Variants in PDE4D observed in about 807,000 individuals in gnomAD.
PDE4D encodes the protein 3',5'-cyclic-AMP phosphodiesterase 4D.
A neutral mutation model predicts 87.4 loss-of-function variants in PDE4D; 24 were observed. The ratio of observed to expected loss-of-function variants is 0.27; its 90% CI spans 0.20 to 0.39. The LOEUF (loss-of-function observed/expected upper bound fraction) is 0.39. Ranked by LOEUF, PDE4D falls within the 10% of genes least tolerant of loss-of-function variation. PDE4D has a pLI of 1.00. For synonymous variants in PDE4D, 384 were observed against 383.2 expected (o/e 1.00, Z -0.02); for missense variants, 714 against 1,041.0 (o/e 0.69, Z 4.32).
chr5:59,082,558 T>C (rs190377406), intron 5 of PDE4D, among the ~76,000 whole-genome samples: 2 of 152,080 alleles, frequency 1.3e-5, no homozygotes, highest in East Asian at 1.9e-4. Context: ...AGTTAGAAAA[T>C]AGATAAATGA....
chr5:60,267,745 G>A (rs960457162), intron 1 of PDE4D, among the ~76,000 whole-genome samples: 23 of 152,134 alleles, frequency 1.5e-4, no homozygotes, highest in African/African-American at 5.1e-4. Flanking sequence ...TTAGACTGTA[G>A]AGGGCTTAAC....
chr5:59,424,845 C>T (rs1794974413), intron 1 of PDE4D, among the ~76,000 whole-genome samples: 2 of 152,150 alleles, frequency 1.3e-5, no homozygotes, highest in African/African-American at 4.8e-5. Context: ...ATCGATGGGT[C>T]CATGCATTTA....
intron 3 of PDE4D, among the ~76,000 whole-genome samples, chr5:59,191,822 C>G (rs1744386643): frequency 6.6e-6 from 1 of 152,130 alleles, no homozygotes; most frequent in South Asian, 2.1e-4. Flanking sequence ...CCACCCACCT[C>G]AGCTTCCCAA....
intron 1 of PDE4D, among the ~76,000 whole-genome samples, chr5:59,706,462 C>T (rs1753422593): frequency 6.6e-6 from 1 of 152,106 alleles, no homozygotes; most frequent in African/African-American, 2.4e-5. Context: ...GGATATCAGA[C>T]ATGATGTGAT....
At chr5:59,060,942 T>C in intron 5 of PDE4D, among the ~76,000 whole-genome samples, 1 of 152,106 alleles carries the variant, frequency 6.6e-6, no homozygotes, top group East Asian at 1.9e-4. Flanking sequence ...CTCCCTACCA[T>C]GAAGAATAAC....
At chr5:59,664,400 T>C (rs1745732225) in intron 1 of PDE4D, among the ~76,000 whole-genome samples, 1 of 152,238 alleles carries the variant, frequency 6.6e-6, no homozygotes, top group Non-Finnish European at 1.5e-5. Flanking sequence ...TTTTGACAAG[T>C]ATATTTTGAT....
intron 1 of PDE4D, among the ~76,000 whole-genome samples, chr5:60,192,889 G>A (rs772775356): frequency 1.4e-4 from 21 of 152,304 alleles, no homozygotes; most frequent in Admixed American, 8.5e-4. Context: ...TCTTACTTCA[G>A]AGGACATACA....
In PDE4D at chr5:59,301,414, G is replaced by A. The variant is rs192373228; in HGVS notation, c.456-85446C>T. On this transcript the variant is annotated intron_variant, in intron 1 of 14. Coordinates refer to ENST00000340635, the MANE Select transcript of PDE4D (RefSeq NM_001104631.2). ...TCAACACTATTTAAAAGCCAGATAT[G>A]TCCAAATGGCTCTTGAATCTACACT... Among the ~76,000 whole-genome samples the A allele has an allele frequency of 2.3e-3, 344 of 151,198 alleles. 1 individual carries two copies. The highest frequency in any genetic ancestry group is 7.9e-3 in the African/African-American group (323 of 41,134).
chr5:59,840,336 C>CTGTGTGTGTG (rs59482787), intron 1 of PDE4D, among the ~76,000 whole-genome samples: 1 of 149,320 alleles, frequency 6.7e-6, no homozygotes, highest in African/African-American at 2.5e-5. Flanking sequence ...AAATGATCCT[C>CTGTGTGTGTG]TGTGTGTGTG....
intron 1 of PDE4D, among the ~76,000 whole-genome samples, chr5:59,220,071 T>G (rs1186429246): frequency 6.6e-6 from 1 of 152,116 alleles, no homozygotes; most frequent in Non-Finnish European, 1.5e-5. Context: ...TATGGAAAGC[T>G]GGGCCAAGGA....
intron 1 of PDE4D, among the ~76,000 whole-genome samples, chr5:59,453,014 G>T (rs1799396849): frequency 6.6e-6 from 1 of 151,026 alleles, no homozygotes; most frequent in South Asian, 2.1e-4. Context: ...AAGTCTATGG[G>T]TACCATTTTT....
intron 3 of PDE4D, among the ~76,000 whole-genome samples, chr5:59,918,573 A>C (rs1754323828): frequency 1.3e-5 from 2 of 152,148 alleles, no homozygotes; most frequent in South Asian, 2.1e-4. Context: ...CATACTAGCA[A>C]ACTCACTCTC....
chr5:59,757,323 T>G (rs1325634203), intron 1 of PDE4D, among the ~76,000 whole-genome samples: 1 of 152,212 alleles, frequency 6.6e-6, no homozygotes, highest in African/African-American at 2.4e-5. Flanking sequence ...TCCACTTTGT[T>G]TGCTCTTATT....
At chr5:59,738,193 T>C (rs1480554729) in intron 1 of PDE4D, among the ~76,000 whole-genome samples, 2 of 152,182 alleles carry the variant, frequency 1.3e-5, no homozygotes, top group African/African-American at 4.8e-5. Flanking sequence ...ATACATGCAA[T>C]GCTCAGTAAT....
chr5:59,059,982 T>A (rs1426586855), intron 5 of PDE4D, among the ~76,000 whole-genome samples: 1 of 152,178 alleles, frequency 6.6e-6, no homozygotes. Context: ...CACAGCCTCC[T>A]TGGTTGCCAG....
chr5:59,380,650 C>T (rs1785618037), intron 1 of PDE4D, among the ~76,000 whole-genome samples: 1 of 151,974 alleles, frequency 6.6e-6, no homozygotes, highest in East Asian at 1.9e-4. Flanking sequence ...CCTTTTGTGC[C>T]CTCTAGTGTT....
At chr5:60,249,002 C>T (rs539386966) in intron 1 of PDE4D, among the ~76,000 whole-genome samples, 1 of 152,134 alleles carries the variant, frequency 6.6e-6, no homozygotes, top group Admixed American at 6.6e-5. Context: ...CTGTTTCCTT[C>T]TGTTTCTTGC....
At chr5:59,043,603 T>C (rs990132931) in intron 5 of PDE4D, among the ~76,000 whole-genome samples, 2 of 152,148 alleles carry the variant, frequency 1.3e-5, no homozygotes, top group Non-Finnish European at 2.9e-5. Context: ...ATGTGCACAA[T>C]GTGCAGGTTA....
intron 1 of PDE4D, among the ~76,000 whole-genome samples, chr5:60,198,591 C>T (rs1011882736): frequency 1.3e-5 from 2 of 151,516 alleles, no homozygotes; most frequent in Admixed American, 6.6e-5. Context: ...TACATGTCAG[C>T]GTATATAACC....
Sources: allele counts gnomAD v4.1 joint callset (sites outside exome capture counted in the v4.1 genomes callset), GRCh38; gene constraint gnomAD v4.1.1; transcripts MANE v1.5; gene names NCBI Gene and HGNC (gene_info 2026-07-23, HGNC 2026-07-21).